CASZ1: variants seen among roughly 807,000 people sequenced by gnomAD.
CASZ1 encodes the protein zinc finger protein castor homolog 1.
Under a neutral mutation model 135.2 loss-of-function variants are expected in CASZ1, and 28 were observed. The observed-to-expected ratio is 0.21, with a 90% CI of 0.15 to 0.28. The LOEUF (loss-of-function observed/expected upper bound fraction) is 0.28, where lower values mean the gene tolerates loss of function less well. Ranked by LOEUF, CASZ1 falls within the 10% of genes least tolerant of loss-of-function variation. CASZ1 has a pLI of 1.00. For missense variants in CASZ1, 2,161 were observed against 2,453.3 expected (o/e 0.88, Z 2.52); for synonymous variants, 1,068 against 1,073.4 (o/e 0.99, Z 0.10).
chr1:10,642,804 G>A, intron 20 of CASZ1, 55 bp downstream of exon 20: 1 of 1,592,006 alleles, frequency 6.3e-7, no homozygotes, highest in Non-Finnish European at 8.6e-7. Flanking sequence ...ACCCAGCGGT[G>A]CTGGGCTTTG....
intron 5 of CASZ1, among the ~76,000 whole-genome samples, chr1:10,663,240 G>C (rs1185420605): frequency 6.6e-6 from 1 of 152,192 alleles, no homozygotes; most frequent in African/African-American, 2.4e-5. Flanking sequence ...CTGGGATGGG[G>C]GTCTAGAGGG....
At chr1:10,752,969 G>T (rs181193983) in intron 2 of CASZ1, among the ~76,000 whole-genome samples, 1 of 152,128 alleles carries the variant, frequency 6.6e-6, no homozygotes, top group African/African-American at 2.4e-5. Flanking sequence ...CCTGAGAGGC[G>T]GAGGTTGCAG....
In CASZ1 at chr1:10,707,655, G is replaced by T; in HGVS notation, c.-76-2111C>A. On this transcript the variant is annotated intron_variant, in intron 2 of 20. Transcript: ENST00000377022. The surrounding 1 kb of genome is among the most constrained non-coding windows in gnomAD (Gnocchi z 5.0). ...GATGGGAGCAGGGAAGCTGTCCCTG[G>T]GTGGGATCTGGGACCCTGGGATACT... Among the ~76,000 whole-genome samples, 1 of 152,124 alleles carries T rather than the reference G, an allele frequency of 6.6e-6. No individual in the cohort carries two copies. Among genetic ancestry groups the T allele is most frequent in the Non-Finnish European group, 1.5e-5 (1 of 68,016 alleles).
intron 4 of CASZ1, among the ~76,000 whole-genome samples, chr1:10,668,497 A>G (rs1317644546): frequency 1.3e-5 from 2 of 151,806 alleles, no homozygotes; most frequent in South Asian, 2.1e-4. Context: ...AGGCGAGGGG[A>G]CTCCTGCTCT....
chr1:10,695,690 C>T (rs998441265), intron 3 of CASZ1, among the ~76,000 whole-genome samples: 1 of 151,966 alleles, frequency 6.6e-6, no homozygotes, highest in Non-Finnish European at 1.5e-5. Context: ...CCGTGCTCCT[C>T]TTTCTTTTCT....
In CASZ1 at chr1:10,676,741, G is replaced by T. The variant is rs1325653800; in HGVS notation, c.17-11170C>A. On this transcript the variant is annotated intron_variant, in intron 4 of 20. Transcript: ENST00000377022. The surrounding 1 kb of genome is among the most constrained non-coding windows in gnomAD (Gnocchi z 4.5). ...TTTCCTGACGTGGACGCCTTTGCTGGTTCCTCCACGTCCCAGCCACACAGG... is the reference window on the plus strand; with the variant it reads ...TTTCCTGACGTGGACGCCTTTGCTGTTTCCTCCACGTCCCAGCCACACAGG... Among the ~76,000 whole-genome samples the T allele has an allele frequency of 6.6e-6, 1 of 152,206 alleles. No homozygotes were observed. The highest frequency in any genetic ancestry group is 1.5e-5 in the Non-Finnish European group (1 of 68,040).
Position 10,777,711 on chromosome 1 carries a change from A to G in CASZ1, c.-233-16854T>C, listed in dbSNP as rs1225368387. 6.7e-6 allele frequency among the ~76,000 whole-genome samples: 1 copy of G among 149,704 alleles called. No individual in the cohort carries two copies. On this transcript the variant is annotated intron_variant, in intron 1 of 20. Coordinates refer to ENST00000377022, the MANE Select transcript of CASZ1 (RefSeq NM_001079843.3). The surrounding 1 kb of genome is among the most constrained non-coding windows in gnomAD (Gnocchi z 4.4). ...TCTCACACACACCATCTCATACAAA[A>G]TCACACACAAAACCACATACCACGT...
intron 18 of CASZ1, 123 bp from the exon 19 acceptor site, chr1:10,643,434 G>A (rs1001387404): frequency 6.5e-6 from 7 of 1,074,698 alleles, no homozygotes; most frequent in Non-Finnish European, 9.3e-6. Flanking sequence ...GGTATCTGGG[G>A]AAAGGGCGCT....
At chr1:10,675,167 C>T (rs1047524867) in intron 4 of CASZ1, among the ~76,000 whole-genome samples, 2 of 152,246 alleles carry the variant, frequency 1.3e-5, no homozygotes, top group Non-Finnish European at 2.9e-5. Flanking sequence ...GACGAAGTGA[C>T]TTATTAAAGT....
At chr1:10,740,820 C>T (rs549420560) in intron 2 of CASZ1, among the ~76,000 whole-genome samples, 45 of 151,618 alleles carry the variant, frequency 3.0e-4, no homozygotes, top group African/African-American at 8.5e-4. Context: ...TAGCTGGTTG[C>T]GGTGGCGCAC....
chr1:10,660,593 T>TC, intron 5 of CASZ1, 57 bp from the exon 6 acceptor site: 1 of 1,489,038 alleles, frequency 6.7e-7, no homozygotes, highest in Non-Finnish European at 9.1e-7. Flanking sequence ...GGACAGGAGG[T>TC]CCCCCCACTG....
Position 10,726,749 on chromosome 1 carries a change from G to A in CASZ1, c.-76-21205C>T, listed in dbSNP as rs284255. On this transcript the variant is annotated intron_variant, in intron 2 of 20. Coordinates refer to ENST00000377022, the MANE Select transcript of CASZ1 (RefSeq NM_001079843.3). The surrounding 1 kb of genome is among the most constrained non-coding windows in gnomAD (Gnocchi z 5.7). ...ATGAAGATGAGGCCCAGCCAAGGCC[G>A]CTCTGGTCCCTGGGGGGTCCTTGCT... Among the ~76,000 whole-genome samples the A allele has an allele frequency of 0.13, 20,091 of 152,182 alleles. 1,425 individuals carry two copies. The highest frequency in any genetic ancestry group is 0.21 in the Middle Eastern group (63 of 294).
chr1:10,642,674 G>A (rs1393974987), intron 20 of CASZ1, among the ~76,000 whole-genome samples, 185 bp downstream of exon 20: 1 of 152,244 alleles, frequency 6.6e-6, no homozygotes, highest in Non-Finnish European at 1.5e-5. Context: ...CAGTGCCAGG[G>A]AGGCGGGAGG....
At chr1:10,674,989 C>T (rs1478691208) in intron 4 of CASZ1, among the ~76,000 whole-genome samples, 1 of 151,974 alleles carries the variant, frequency 6.6e-6, no homozygotes, top group African/African-American at 2.4e-5. Context: ...GGAGCGCCCA[C>T]CCCTCCTGTT....
At chr1:10,686,887 T>C (rs1027861006) in intron 4 of CASZ1, among the ~76,000 whole-genome samples, 2 of 152,200 alleles carry the variant, frequency 1.3e-5, no homozygotes, top group Non-Finnish European at 2.9e-5. Flanking sequence ...GGGGGGCAGA[T>C]GCCGTGGGGC....
rs987768961 is a variant in CASZ1, at chr1:10,735,475, G to C, written c.-77+25226C>G. ...CCCTCTGCTCCCGCTGCCACTTGCA[G>C]GCTCAGCCAGCTCCACGCAGCGCCA... On this transcript the variant is annotated intron_variant, in intron 2 of 20. Coordinates refer to ENST00000377022, the MANE Select transcript of CASZ1 (RefSeq NM_001079843.3). This position sits in a 1 kb window ranked among gnomAD's most constrained non-coding sequence, Gnocchi z 5.1. 6.6e-6 allele frequency among the ~76,000 whole-genome samples: 1 copy of C among 152,172 alleles called. No individual in the cohort carries two copies.
chr1:10,718,880 T>A (rs956397674), intron 2 of CASZ1, among the ~76,000 whole-genome samples: 7 of 152,044 alleles, frequency 4.6e-5, no homozygotes, highest in Non-Finnish European at 1.0e-4. Flanking sequence ...TTTCTTTTCT[T>A]TTTTTTTAAG....
At chr1:10,713,065 T>C (rs1639316579) in intron 2 of CASZ1, among the ~76,000 whole-genome samples, 1 of 152,242 alleles carries the variant, frequency 6.6e-6, no homozygotes, top group Non-Finnish European at 1.5e-5. Flanking sequence ...TGCGTGTACA[T>C]ATATAAACCC....
At chr1:10,763,736 C>T (rs544027194) in intron 1 of CASZ1, among the ~76,000 whole-genome samples, 7 of 152,220 alleles carry the variant, frequency 4.6e-5, no homozygotes, top group Admixed American at 3.3e-4. Context: ...GCATCTAGCA[C>T]AACAGCTGGG....
Sources: allele counts gnomAD v4.1 joint callset (sites outside exome capture counted in the v4.1 genomes callset), GRCh38; gene constraint gnomAD v4.1.1; non-coding constraint Gnocchi (gnomAD v3.1); transcripts MANE v1.5; gene names NCBI Gene and HGNC (gene_info 2026-07-23, HGNC 2026-07-21).